The following CLASP2 variants were observed in gnomAD, a reference collection of about 807,000 sequenced individuals.
CLASP2 encodes CLIP-associating protein 2.
CLASP2 carries 47 observed loss-of-function variants against 194.4 expected under a neutral mutation model. That is an observed-to-expected ratio of 0.24 (90% confidence interval 0.19 to 0.31). The LOEUF (loss-of-function observed/expected upper bound fraction) is 0.31, where lower values mean the gene tolerates loss of function less well. Among genes scored for constraint, CLASP2 ranks in the 10% least tolerant of loss-of-function variants. The probability of loss-of-function intolerance (pLI) is 1.00; values close to 1 mark genes in which losing one functional copy is unlikely to be tolerated. For missense variants in CLASP2, 1,445 were observed against 1,823.6 expected (o/e 0.79, Z 3.78); for synonymous variants, 619 against 633.5 (o/e 0.98, Z 0.34).
At chr3:33,549,927 G>T (rs1224210755) in intron 30 of CLASP2, among the ~76,000 whole-genome samples, 1 of 151,718 alleles carries the variant, frequency 6.6e-6, no homozygotes, top group African/African-American at 2.4e-5. Context: ...AGCAGAGACA[G>T]GGTTTCTCCA....
chr3:33,619,342 T>C (rs147363469), intron 12 of CLASP2, among the ~76,000 whole-genome samples: 2,349 of 152,300 alleles, frequency 0.015, 36 homozygotes, highest in Non-Finnish European at 0.023. Context: ...ATATATGTAC[T>C]CATATGTACA....
intron 1 of CLASP2, among the ~76,000 whole-genome samples, chr3:33,713,193 T>C (rs116691185): frequency 0.014 from 2,112 of 152,244 alleles, 26 homozygotes; most frequent in Non-Finnish European, 0.021. Context: ...TTATGTGTGA[T>C]TGTCCTTTAT....
intron 1 of CLASP2, among the ~76,000 whole-genome samples, chr3:33,716,346 T>C (rs999848208): frequency 1.5e-4 from 23 of 152,102 alleles, no homozygotes; most frequent in African/African-American, 5.6e-4. Context: ...CGAGTAGAAG[T>C]AGGGCTTAGA....
At chr3:33,580,948 AG>A (rs2065928921) in intron 23 of CLASP2, among the ~76,000 whole-genome samples, 1 of 142,462 alleles carries the variant, frequency 7.0e-6, no homozygotes, top group South Asian at 2.4e-4. Context: ...CCCAGGAGGC[AG>A]AGCTTGCAGT....
At chr3:33,571,789 C>T (rs772794179) in intron 25 of CLASP2, among the ~76,000 whole-genome samples, 1 of 151,940 alleles carries the variant, frequency 6.6e-6, no homozygotes, top group East Asian at 1.9e-4. Context: ...GGTGACAAAG[C>T]GAGATCTCAT....
At chr3:33,610,462 C>G (rs1437377533) in intron 13 of CLASP2, among the ~76,000 whole-genome samples, 1 of 152,172 alleles carries the variant, frequency 6.6e-6, no homozygotes, top group Non-Finnish European at 1.5e-5. Context: ...TTAGGTTGTA[C>G]TCCACTCACT....
At chr3:33,510,861 G>C in intron 36 of CLASP2, 97 bp from the exon 37 acceptor site, 1 of 1,095,284 alleles carries the variant, frequency 9.1e-7, no homozygotes, top group Non-Finnish European at 1.3e-6. Context: ...TATAATATAT[G>C]GAATTTGCTT....
chr3:33,672,559 C>G (rs1216492983), intron 6 of CLASP2, among the ~76,000 whole-genome samples: 1 of 152,226 alleles, frequency 6.6e-6, no homozygotes. Context: ...CAAAGGAACG[C>G]AGTTCCTCAC....
intron 32 of CLASP2, among the ~76,000 whole-genome samples, chr3:33,540,091 G>A (rs2058085526): frequency 6.6e-6 from 1 of 151,580 alleles, no homozygotes; most frequent in African/African-American, 2.4e-5. Flanking sequence ...ACCACATCAG[G>A]CTAATTTTTT....
intron 8 of CLASP2, among the ~76,000 whole-genome samples, chr3:33,636,138 T>C (rs1008079150): frequency 4.6e-5 from 7 of 152,176 alleles, no homozygotes; most frequent in Middle Eastern, 3.4e-3. Context: ...AAACAAAAAA[T>C]AAGGGCTCTG....
intron 21 of CLASP2, among the ~76,000 whole-genome samples, chr3:33,591,430 C>T (rs149759482): frequency 6.6e-6 from 1 of 152,020 alleles, no homozygotes; most frequent in East Asian, 1.9e-4. Context: ...TTGGGCAACA[C>T]AGCAAGACCC....
intron 6 of CLASP2, among the ~76,000 whole-genome samples, chr3:33,676,653 C>T (rs1387590960): frequency 6.6e-6 from 1 of 152,174 alleles, no homozygotes; most frequent in African/African-American, 2.4e-5. Flanking sequence ...GCAAGGACTT[C>T]ATGTCTAAAA....
chr3:33,665,790 C>G (rs1330550011), intron 6 of CLASP2, among the ~76,000 whole-genome samples: 4 of 152,040 alleles, frequency 2.6e-5, no homozygotes, highest in African/African-American at 9.7e-5. Flanking sequence ...TTTAGAAAAA[C>G]AAACGCATTT....
At chr3:33,675,928 T>A (rs1474107546) in intron 6 of CLASP2, among the ~76,000 whole-genome samples, 17 of 150,052 alleles carry the variant, frequency 1.1e-4, no homozygotes, top group Non-Finnish European at 2.1e-4. Context: ...TCAATGAAAT[T>A]AAAGAGGATA....
chr3:33,591,761 T>C (rs971730076), intron 21 of CLASP2, among the ~76,000 whole-genome samples: 1 of 152,210 alleles, frequency 6.6e-6, no homozygotes, highest in African/African-American at 2.4e-5. Context: ...AGCAAAAATG[T>C]AAATCTTAAA....
intron 18 of CLASP2, among the ~76,000 whole-genome samples, chr3:33,598,859 T>C (rs1191920185): frequency 6.6e-6 from 1 of 152,180 alleles, no homozygotes; most frequent in Non-Finnish European, 1.5e-5. Flanking sequence ...CAAGGTTACC[T>C]TAACTTAAAT....
intron 5 of CLASP2, among the ~76,000 whole-genome samples, 160 bp downstream of exon 5, chr3:33,686,900 T>C (rs1278955576): frequency 6.6e-6 from 1 of 152,150 alleles, no homozygotes; most frequent in Admixed American, 6.5e-5. Context: ...TATAATGTTT[T>C]TAAAAACTAA....
At chr3:33,638,740 T>C (rs767218145) in intron 8 of CLASP2, among the ~76,000 whole-genome samples, 2 of 152,244 alleles carry the variant, frequency 1.3e-5, no homozygotes, top group African/African-American at 2.4e-5. Context: ...TATATTAGAA[T>C]GTATGTGATA....
At chr3:33,510,296 TAGTAG>T (rs1414402907) in intron 37 of CLASP2, among the ~76,000 whole-genome samples, 1 of 152,210 alleles carries the variant, frequency 6.6e-6, no homozygotes, top group African/African-American at 2.4e-5. Context: ...TGTATGTGGA[TAGTAG>T]TGATGGTTGC....
Sources: gnomAD v4.1 joint callset for allele counts (sites outside exome capture counted in the v4.1 genomes callset) on GRCh38, gnomAD v4.1.1 for gene constraint, MANE v1.5 for transcripts, NCBI Gene and HGNC (gene_info 2026-07-23, HGNC 2026-07-21) for gene names.